MAPK10: variants seen among roughly 807,000 people sequenced by gnomAD.
The protein encoded by MAPK10 is mitogen-activated protein kinase 10.
In MAPK10, 25 loss-of-function variants were observed where a neutral mutation model predicts 59.3. The observed-to-expected ratio is 0.42, with a 90% confidence interval of 0.31 to 0.59. The LOEUF (loss-of-function observed/expected upper bound fraction) is 0.59, where lower values mean the gene tolerates loss of function less well. Ranked by LOEUF, MAPK10 falls within the 20% of genes least tolerant of loss-of-function variation. MAPK10 has a pLI of 0.15. For missense variants in MAPK10, 351 were observed against 568.9 expected (o/e 0.62, Z 3.90); for synonymous variants, 190 against 200.5 (o/e 0.95, Z 0.44).
intron 3 of MAPK10, among the ~76,000 whole-genome samples, chr4:86,189,208 G>T (rs1316694216): frequency 1.3e-5 from 2 of 152,084 alleles, no homozygotes; most frequent in Non-Finnish European, 2.9e-5. Flanking sequence ...TTTTGCTTAG[G>T]ATTGTCTTGG....
intron 11 of MAPK10, among the ~76,000 whole-genome samples, chr4:86,053,814 G>T (rs1364228588): frequency 6.6e-6 from 1 of 151,980 alleles, no homozygotes; most frequent in Non-Finnish European, 1.5e-5. Context: ...AGATAAATAG[G>T]TAGATCTCAC....
At chr4:86,211,532 T>C (rs1035629564) in intron 2 of MAPK10, among the ~76,000 whole-genome samples, 3 of 152,036 alleles carry the variant, frequency 2.0e-5, no homozygotes, top group Non-Finnish European at 4.4e-5. Flanking sequence ...AGATAAAAGC[T>C]GAAAGAATTC....
At chr4:86,408,898 T>G (rs1378968582) in intron 1 of MAPK10, among the ~76,000 whole-genome samples, 1 of 152,238 alleles carries the variant, frequency 6.6e-6, no homozygotes, top group Non-Finnish European at 1.5e-5. Context: ...AGAAGCTCTT[T>G]AGTTTAATTA....
intron 3 of MAPK10, among the ~76,000 whole-genome samples, chr4:86,183,661 G>A (rs1024334680): frequency 9.9e-5 from 15 of 152,128 alleles, no homozygotes; most frequent in African/African-American, 3.6e-4. Context: ...ACCCAGTAAT[G>A]GGATGACTGG....
intron 1 of MAPK10, among the ~76,000 whole-genome samples, chr4:86,551,078 C>T (rs1435093492): frequency 6.6e-6 from 1 of 152,140 alleles, no homozygotes; most frequent in African/African-American, 2.4e-5. Flanking sequence ...ATAATGCCAC[C>T]CATAGTGCAT....
intron 2 of MAPK10, among the ~76,000 whole-genome samples, chr4:86,320,796 C>T (rs919442019): frequency 5.3e-5 from 8 of 152,174 alleles, no homozygotes; most frequent in East Asian, 1.9e-4. Context: ...TTCGGTCTAA[C>T]GTTTAAGTCT....
chr4:86,426,270 G>A (rs986659395), intron 1 of MAPK10, among the ~76,000 whole-genome samples: 1 of 151,894 alleles, frequency 6.6e-6, no homozygotes, highest in Non-Finnish European at 1.5e-5. Flanking sequence ...GCTTATGTTC[G>A]AGATAATTGG....
At chr4:86,546,036 A>G (rs1759124892) in intron 1 of MAPK10, among the ~76,000 whole-genome samples, 1 of 151,446 alleles carries the variant, frequency 6.6e-6, no homozygotes, top group Non-Finnish European at 1.5e-5. Flanking sequence ...GGACTGCCTG[A>G]GCTCAGGAGT....
intron 1 of MAPK10, among the ~76,000 whole-genome samples, chr4:86,423,930 A>G (rs1381341878): frequency 6.6e-6 from 1 of 151,804 alleles, no homozygotes; most frequent in Non-Finnish European, 1.5e-5. Flanking sequence ...TTACTACAAG[A>G]TATAGAGTAA....
chr4:86,396,825 C>T (rs1194666596), intron 1 of MAPK10, among the ~76,000 whole-genome samples: 1 of 152,104 alleles, frequency 6.6e-6, no homozygotes, highest in Admixed American at 6.5e-5. Flanking sequence ...GACCTAAACA[C>T]CTCCTACTAA....
At chr4:86,028,991 A>G (rs1541998) in intron 13 of MAPK10, 107,702 of 633,796 alleles carry the variant, frequency 0.17, 11,311 homozygotes, top group African/African-American at 0.35. Context: ...AAGTTTTTGT[A>G]CTGGATCATT....
At chr4:86,484,141 C>A (rs1408988057) in intron 1 of MAPK10, among the ~76,000 whole-genome samples, 4 of 152,026 alleles carry the variant, frequency 2.6e-5, no homozygotes, top group Non-Finnish European at 1.5e-5. Flanking sequence ...ATCCTTGAAG[C>A]CGAGAGAATT....
At chr4:86,414,592 A>G (rs1379217789) in intron 1 of MAPK10, among the ~76,000 whole-genome samples, 1 of 152,204 alleles carries the variant, frequency 6.6e-6, no homozygotes, top group Non-Finnish European at 1.5e-5. Flanking sequence ...TTATGCCTGA[A>G]GTCTACATTG....
At position 86,292,219 on chromosome 4, in the gene MAPK10, G is replaced by A. The variant is rs546380132; in HGVS notation, c.-7+62311C>T. Among the ~76,000 whole-genome samples, 8 of 152,304 alleles carry A rather than the reference G, an allele frequency of 5.3e-5. 1 individual carries two copies. The South Asian group carries it at 1.7e-3, about 32-fold the overall frequency. On this transcript the variant is annotated intron_variant, in intron 2 of 13. Transcript: ENST00000641462. ...AAAGTTAAGAGGAACATCTAGAAAT[G>A]TGTGCAACTGAGTGAAGTCCAGAAA...
At chr4:86,217,333 T>C (rs904913927) in intron 2 of MAPK10, among the ~76,000 whole-genome samples, 1 of 152,224 alleles carries the variant, frequency 6.6e-6, no homozygotes, top group East Asian at 1.9e-4. Context: ...ATTTTTTCTG[T>C]CATCCTTATA....
chr4:86,168,438 C>T (rs1056565264), intron 3 of MAPK10, among the ~76,000 whole-genome samples: 15 of 152,346 alleles, frequency 9.8e-5, no homozygotes, highest in South Asian at 2.1e-4. Flanking sequence ...GGGTCCTACA[C>T]GCACGGAGTC....
At chr4:86,185,063 C>T (rs945133438) in intron 3 of MAPK10, among the ~76,000 whole-genome samples, 9 of 152,040 alleles carry the variant, frequency 5.9e-5, no homozygotes, top group African/African-American at 1.4e-4. Context: ...ATAAATACTC[C>T]GATCATGACA....
At chr4:86,116,156 T>C (rs2058263739) in intron 4 of MAPK10, among the ~76,000 whole-genome samples, 1 of 152,210 alleles carries the variant, frequency 6.6e-6, no homozygotes, top group Non-Finnish European at 1.5e-5. Context: ...CAATCAGTCA[T>C]GAAGGCATAT....
At chr4:86,177,979 G>A (rs1582012710) in intron 3 of MAPK10, among the ~76,000 whole-genome samples, 1 of 152,000 alleles carries the variant, frequency 6.6e-6, no homozygotes, top group Admixed American at 6.6e-5. Flanking sequence ...AAGGCAACAT[G>A]TTTAATCTTG....
Sources: gnomAD v4.1 joint callset for allele counts (sites outside exome capture counted in the v4.1 genomes callset) on GRCh38, gnomAD v4.1.1 for gene constraint, MANE v1.5 for transcripts, NCBI Gene and HGNC (gene_info 2026-07-23, HGNC 2026-07-21) for gene names.